RPS6KA2: variants seen among roughly 807,000 people sequenced by gnomAD.
RPS6KA2 encodes the protein ribosomal protein S6 kinase A2, also known as ribosomal protein S6 kinase alpha-2.
A neutral mutation model predicts 91.8 loss-of-function variants in RPS6KA2; 42 were observed. The observed-to-expected ratio is 0.46, with a 90% CI of 0.36 to 0.59. RPS6KA2 has a LOEUF of 0.59. RPS6KA2 is among the 20% of genes least tolerant of loss of function. The probability of loss-of-function intolerance (pLI) is 0.00; values close to 1 mark genes in which losing one functional copy is unlikely to be tolerated. For synonymous variants in RPS6KA2, 414 were observed against 393.6 expected, an observed-to-expected ratio of 1.05 and a Z score of -0.61; for missense variants, 798 against 978.5, an observed-to-expected ratio of 0.82 and a Z score of 2.46.
chr6:166,612,791 C>T lies in RPS6KA2; in HGVS notation c.99+14130G>A, dbSNP rs1477777248. 6.6e-6 allele frequency among the ~76,000 whole-genome samples: 1 copy of T among 152,186 alleles called. No homozygotes were observed. Among genetic ancestry groups the T allele is most frequent in the Non-Finnish European group, 1.5e-5 (1 of 68,042 alleles). On this transcript the variant is annotated intron_variant, in intron 1 of 20. Coordinates refer to ENST00000265678, the MANE Select transcript of RPS6KA2 (RefSeq NM_021135.6). This position sits in a 1 kb window ranked among gnomAD's most constrained non-coding sequence, Gnocchi z 4.3. ...CCAAGTGGCCACTGCCAAATTTACT[C>T]CACATCAGCCTCTCTCTCTCCATGC...
intron 2 of RPS6KA2, among the ~76,000 whole-genome samples, chr6:166,807,509 C>T (rs1583140297): frequency 6.6e-6 from 1 of 152,100 alleles, no homozygotes. Flanking sequence ...AACGCACAGC[C>T]AGGGCAATCC....
chr6:166,640,669 A>C (rs1194998547), intron 2 of RPS6KA2, among the ~76,000 whole-genome samples: 2 of 152,266 alleles, frequency 1.3e-5, no homozygotes, highest in African/African-American at 2.4e-5. Flanking sequence ...CTGGTCCGAT[A>C]GTAAGCAGGG....
intron 2 of RPS6KA2, among the ~76,000 whole-genome samples, chr6:166,804,170 T>TAAA (rs35887397): frequency 3.4e-4 from 51 of 150,402 alleles, no homozygotes; most frequent in Admixed American, 5.3e-4. Context: ...TGTAAATTAG[T>TAAA]AAAAAAAAAA....
chr6:166,598,582 C>G (rs1030811636), intron 1 of RPS6KA2, among the ~76,000 whole-genome samples: 1 of 152,226 alleles, frequency 6.6e-6, no homozygotes, highest in African/African-American at 2.4e-5. Flanking sequence ...AGCCTGGAGT[C>G]TGCCCATCAT....
At chr6:166,831,754 C>G (rs1220578271) in intron 2 of RPS6KA2, among the ~76,000 whole-genome samples, 1 of 148,858 alleles carries the variant, frequency 6.7e-6, no homozygotes, top group African/African-American at 2.5e-5. Flanking sequence ...TACATACACA[C>G]AATAACAGAA....
intron 2 of RPS6KA2, among the ~76,000 whole-genome samples, chr6:166,675,158 G>A (rs553758417): frequency 2.6e-5 from 4 of 152,282 alleles, no homozygotes; most frequent in South Asian, 4.1e-4. Flanking sequence ...GCCAGCAAGC[G>A]GAGGGCACTC....
intron 2 of RPS6KA2, among the ~76,000 whole-genome samples, chr6:166,856,260 T>TAG (rs1780900365): frequency 6.6e-6 from 1 of 152,082 alleles, no homozygotes; most frequent in Non-Finnish European, 1.5e-5. Flanking sequence ...GTCTTGAGGG[T>TAG]GGACTTCTCA....
At chr6:166,524,775 A>T (rs1041920) in intron 3 of RPS6KA2, among the ~76,000 whole-genome samples, 59,592 of 151,980 alleles carry the variant, frequency 0.39, 11,854 homozygotes, top group East Asian at 0.53. Context: ...TGTTAATACA[A>T]CCTATCCCAC....
In RPS6KA2 at chr6:166,412,148, G is replaced by A. The variant is rs1014785603; in HGVS notation, c.*614C>T. The stretch of plus-strand genomic sequence containing the variant: ...CTCCTCATTTGAATCTGGGACAGAG[G>A]AAAGGATGGGCTACCCAGCACCTCA... On this transcript the variant is annotated 3_prime_UTR_variant, in exon 21 of 21. Coordinates refer to ENST00000265678, the MANE Select transcript of RPS6KA2 (RefSeq NM_021135.6). This position sits in a 1 kb window ranked among gnomAD's most constrained non-coding sequence, Gnocchi z 4.3. 1.3e-5 allele frequency: 2 copies of A among 152,858 alleles called. No homozygotes were observed. Among genetic ancestry groups the A allele is most frequent in the Non-Finnish European group, 1.5e-5 (1 of 68,140 alleles). The allele number at this position is 152,858 out of a possible 1,614,324, so 9.5% of individuals were successfully genotyped here. A position where few individuals can be genotyped will look rare whatever the true frequency, so the allele number is the denominator to read the frequency against.
rs758706651 is a variant in RPS6KA2, at chr6:166,419,859, A to G, written c.1820+23T>C. 1 of 1,605,666 alleles carries G rather than the reference A, an allele frequency of 6.2e-7. No individual in the cohort carries two copies. Among genetic ancestry groups the G allele is most frequent in the Non-Finnish European group, 8.5e-7 (1 of 1,172,556 alleles). ...CTGCTGCCCTGTGTCTCCTCCTGACACCTGTTTGAGGTGACTGCTTACCCT... is the reference window on the plus strand; with the variant it reads ...CTGCTGCCCTGTGTCTCCTCCTGACGCCTGTTTGAGGTGACTGCTTACCCT... On this transcript the variant is annotated intron_variant, in intron 18 of 20. Coordinates refer to ENST00000265678, the MANE Select transcript of RPS6KA2 (RefSeq NM_021135.6). The surrounding 1 kb of genome is among the most constrained non-coding windows in gnomAD (Gnocchi z 5.6).
At chr6:166,573,091 T>G (rs554104272) in intron 1 of RPS6KA2, among the ~76,000 whole-genome samples, 119 of 152,284 alleles carry the variant, frequency 7.8e-4, no homozygotes, top group African/African-American at 1.8e-3. Context: ...CCTCCTTCAC[T>G]GACAGGAGGG....
intron 2 of RPS6KA2, among the ~76,000 whole-genome samples, chr6:166,731,009 G>T (rs1790494710): frequency 6.6e-6 from 1 of 152,196 alleles, no homozygotes; most frequent in South Asian, 2.1e-4. Context: ...TTGGGAGGCC[G>T]AGGCGGGCGG....
chr6:166,548,447 T>C (rs1783897119), intron 1 of RPS6KA2, among the ~76,000 whole-genome samples: 1 of 152,226 alleles, frequency 6.6e-6, no homozygotes, highest in Admixed American at 6.5e-5. Context: ...TAAGGTTTGC[T>C]ACATAGCTAC....
chr6:166,496,473 C>T (rs1040894102), intron 8 of RPS6KA2, among the ~76,000 whole-genome samples: 1 of 152,042 alleles, frequency 6.6e-6, no homozygotes, highest in African/African-American at 2.4e-5. Context: ...ACTATCAAAT[C>T]TCCCCTCCCC....
At chr6:166,609,509 T>G (rs1306910407) in intron 1 of RPS6KA2, among the ~76,000 whole-genome samples, 3 of 137,016 alleles carry the variant, frequency 2.2e-5, no homozygotes, top group Non-Finnish European at 3.1e-5. Flanking sequence ...AAGTTTAATT[T>G]TTTTTTTTTT....
intron 2 of RPS6KA2, among the ~76,000 whole-genome samples, chr6:166,671,768 C>T (rs1788478526): frequency 1.3e-5 from 2 of 152,114 alleles, no homozygotes; most frequent in Admixed American, 1.3e-4. Flanking sequence ...CAGAGGCTGC[C>T]CAGCACATGG....
chr6:166,631,044 G>A (rs1315865966), upstream of RPS6KA2, among the ~76,000 whole-genome samples: 1 of 152,142 alleles, frequency 6.6e-6, no homozygotes, highest in Non-Finnish European at 1.5e-5. Context: ...CTGGCCCCTG[G>A]CCCTCACCCA....
intron 2 of RPS6KA2, among the ~76,000 whole-genome samples, chr6:166,758,710 A>G (rs1778089237): frequency 6.6e-6 from 1 of 152,226 alleles, no homozygotes; most frequent in Admixed American, 6.5e-5. Context: ...GCAGGTGTGG[A>G]AATAAACAGA....
At chr6:166,471,745 G>C (rs1376922917) in intron 10 of RPS6KA2, among the ~76,000 whole-genome samples, 2 of 152,222 alleles carry the variant, frequency 1.3e-5, no homozygotes, top group Non-Finnish European at 2.9e-5. Flanking sequence ...GAGGTTATGA[G>C]TTACAGGTAC....
Sources: gnomAD v4.1 joint callset for allele counts (sites outside exome capture counted in the v4.1 genomes callset) on GRCh38, gnomAD v4.1.1 for gene constraint, Gnocchi (gnomAD v3.1) non-coding constraint, MANE v1.5 for transcripts, NCBI Gene and HGNC (gene_info 2026-07-23, HGNC 2026-07-21) for gene names.